Variants in PPP2R2B observed in about 807,000 individuals in gnomAD.
PPP2R2B encodes the protein protein phosphatase 2 regulatory subunit Bbeta.
In PPP2R2B, 5 loss-of-function variants were observed where a neutral mutation model predicts 46.0. That is an observed-to-expected ratio of 0.11 (90% CI 0.06 to 0.23). The LOEUF is 0.23. Among genes scored for constraint, PPP2R2B ranks in the 10% least tolerant of loss-of-function variants. The pLI, the probability that PPP2R2B is intolerant of heterozygous loss-of-function variation, is 1.00. For synonymous variants in PPP2R2B, 215 were observed against 206.7 expected (o/e 1.04, Z -0.34); for missense variants, 367 against 575.0 (o/e 0.64, Z 3.70).
chr5:146,976,139 T>G, intron 1 of PPP2R2B, among the ~76,000 whole-genome samples: 1 of 148,148 alleles, frequency 6.8e-6, no homozygotes. Context: ...ATTATTATTA[T>G]TATTATTATT....
intron 2 of PPP2R2B, among the ~76,000 whole-genome samples, chr5:146,811,318 A>C (rs1290218820): frequency 6.6e-6 from 1 of 151,962 alleles, no homozygotes; most frequent in Non-Finnish European, 1.5e-5. Flanking sequence ...TATCTCTATT[A>C]GTCTATAGTA....
intron 5 of PPP2R2B, among the ~76,000 whole-genome samples, chr5:146,666,035 G>C (rs1172751019): frequency 6.6e-6 from 1 of 152,214 alleles, no homozygotes; most frequent in Admixed American, 6.5e-5. Context: ...CTGTATGTCT[G>C]AGAACACGTA....
At chr5:146,999,013 C>CAAAA (rs60753702) in intron 1 of PPP2R2B, among the ~76,000 whole-genome samples, 128 of 65,236 alleles carry the variant, frequency 2.0e-3, no homozygotes, top group Non-Finnish European at 2.2e-3. Flanking sequence ...GACTCCATAT[C>CAAAA]AAAAAAAAAA....
chr5:146,789,370 C>A (rs1173415361), intron 2 of PPP2R2B, among the ~76,000 whole-genome samples: 1 of 152,062 alleles, frequency 6.6e-6, no homozygotes, highest in Admixed American at 6.6e-5. Flanking sequence ...ATTTTAGAAT[C>A]GAGTAACATG....
chr5:146,808,494 G>C (rs1417847867), intron 2 of PPP2R2B, among the ~76,000 whole-genome samples: 1 of 152,154 alleles, frequency 6.6e-6, no homozygotes, highest in African/African-American at 2.4e-5. Flanking sequence ...AGATACCTCA[G>C]AGCCCCATTC....
intron 2 of PPP2R2B, among the ~76,000 whole-genome samples, chr5:146,771,050 T>C (rs1042608154): frequency 6.6e-6 from 1 of 152,150 alleles, no homozygotes; most frequent in African/African-American, 2.4e-5. Context: ...GCATAAAGAA[T>C]AATACAAATA....
intron 7 of PPP2R2B, among the ~76,000 whole-genome samples, chr5:146,633,029 T>C (rs1774544964): frequency 6.6e-6 from 1 of 151,588 alleles, no homozygotes; most frequent in Non-Finnish European, 1.5e-5. Context: ...TACTCATGCG[T>C]GGAAAGGGGA....
At chr5:146,905,139 C>T (rs571861961) in intron 1 of PPP2R2B, among the ~76,000 whole-genome samples, 1 of 152,272 alleles carries the variant, frequency 6.6e-6, no homozygotes, top group South Asian at 2.1e-4. Context: ...CCAAGACTAA[C>T]TATGTCAAGT....
chr5:146,756,214 T>C (rs1753821984), intron 2 of PPP2R2B, among the ~76,000 whole-genome samples: 1 of 152,124 alleles, frequency 6.6e-6, no homozygotes, highest in South Asian at 2.1e-4. Flanking sequence ...TAAGAATAAC[T>C]AACATTTATA....
intron 2 of PPP2R2B, among the ~76,000 whole-genome samples, chr5:146,790,323 C>A (rs1443434318): frequency 1.3e-5 from 2 of 152,172 alleles, no homozygotes; most frequent in Non-Finnish European, 2.9e-5. Flanking sequence ...ATCATAACAA[C>A]CACCCCAAAA....
At chr5:146,774,911 C>A (rs1262129138) in intron 2 of PPP2R2B, among the ~76,000 whole-genome samples, 1 of 150,460 alleles carries the variant, frequency 6.6e-6, no homozygotes, top group Admixed American at 6.6e-5. Flanking sequence ...TTCCTAGAAA[C>A]ACAGACATTA....
At chr5:146,970,410 G>A (rs1752613759) in intron 1 of PPP2R2B, among the ~76,000 whole-genome samples, 1 of 151,990 alleles carries the variant, frequency 6.6e-6, no homozygotes, top group Admixed American at 6.6e-5. Flanking sequence ...AGAATAGCCA[G>A]GTCACCATGG....
intron 1 of PPP2R2B, among the ~76,000 whole-genome samples, chr5:146,898,030 C>T (rs1050335644): frequency 6.6e-6 from 1 of 152,004 alleles, no homozygotes; most frequent in Non-Finnish European, 1.5e-5. Context: ...ACTAAAAGTA[C>T]AAAAATTAGC....
intron 2 of PPP2R2B, among the ~76,000 whole-genome samples, chr5:146,737,727 G>A: frequency 6.6e-6 from 1 of 152,082 alleles, no homozygotes; most frequent in Non-Finnish European, 1.5e-5. Flanking sequence ...CTCCAGTCAG[G>A]TGTTATATTT....
chr5:146,597,415 A>G (rs909823163), intron 8 of PPP2R2B, among the ~76,000 whole-genome samples: 71 of 152,208 alleles, frequency 4.7e-4, no homozygotes, highest in African/African-American at 1.7e-3. Flanking sequence ...TCAATTCTTA[A>G]AATTCATTAT....
At chr5:146,932,913 A>G (rs1764013870) in intron 1 of PPP2R2B, among the ~76,000 whole-genome samples, 1 of 152,196 alleles carries the variant, frequency 6.6e-6, no homozygotes, top group East Asian at 1.9e-4. Context: ...GGAGAAAGCT[A>G]TATCTAGCAG....
chr5:146,809,450 A>G (rs552406180), intron 2 of PPP2R2B, among the ~76,000 whole-genome samples: 4 of 152,290 alleles, frequency 2.6e-5, no homozygotes, highest in African/African-American at 9.6e-5. Context: ...AAGCACCCAA[A>G]TAAATGTATA....
At chr5:146,986,597 A>G (rs1753439620) in intron 1 of PPP2R2B, among the ~76,000 whole-genome samples, 1 of 152,222 alleles carries the variant, frequency 6.6e-6, no homozygotes, top group African/African-American at 2.4e-5. Flanking sequence ...GAAATCCTGG[A>G]GTAAAAAAAT....
intron 1 of PPP2R2B, among the ~76,000 whole-genome samples, chr5:146,947,497 A>G (rs1054700392): frequency 1.3e-5 from 2 of 152,084 alleles, no homozygotes; most frequent in Non-Finnish European, 2.9e-5. Context: ...GCTTTGTGTA[A>G]TGAGATGATT....
Sources: allele counts gnomAD v4.1 joint callset (sites outside exome capture counted in the v4.1 genomes callset), GRCh38; gene constraint gnomAD v4.1.1; transcripts MANE v1.5; gene names NCBI Gene and HGNC (gene_info 2026-07-23, HGNC 2026-07-21).